PRKCA: variants seen among roughly 807,000 people sequenced by gnomAD.
PRKCA encodes the protein protein kinase C alpha.
In PRKCA, 27 loss-of-function variants were observed where a neutral mutation model predicts 87.0. The ratio of observed to expected loss-of-function variants is 0.31; its 90% confidence interval spans 0.23 to 0.43. PRKCA has a LOEUF of 0.43. PRKCA is among the 20% of genes least tolerant of loss of function. PRKCA has a pLI of 1.00. For missense variants in PRKCA, 518 were observed against 852.3 expected (o/e 0.61, Z 4.88); for synonymous variants, 329 against 311.1 (o/e 1.06, Z -0.61).
chr17:66,802,886 G>A (rs1307291557), intron 16 of PRKCA, among the ~76,000 whole-genome samples: 1 of 152,202 alleles, frequency 6.6e-6, no homozygotes, highest in African/African-American at 2.4e-5. Flanking sequence ...GCAGGTCCAA[G>A]GGCAGTAATT....
At chr17:66,424,598 C>CACACACACACACAA (rs1051866560) in intron 2 of PRKCA, among the ~76,000 whole-genome samples, 1 of 150,514 alleles carries the variant, frequency 6.6e-6, no homozygotes, top group Non-Finnish European at 1.5e-5. Context: ...CACACACACA[C>CACACACACACACAA]ATCTTTGAAG....
At chr17:66,521,006 C>A (rs1386707606) in intron 3 of PRKCA, among the ~76,000 whole-genome samples, 1 of 152,124 alleles carries the variant, frequency 6.6e-6, no homozygotes, top group Non-Finnish European at 1.5e-5. Context: ...GGCAGGAGGT[C>A]TTCATGTAGG....
chr17:66,441,124 T>C (rs1913723187), intron 2 of PRKCA, among the ~76,000 whole-genome samples: 1 of 141,150 alleles, frequency 7.1e-6, no homozygotes, highest in Admixed American at 7.8e-5. Context: ...ATCGCGGCAC[T>C]GCACTCCAGC....
chr17:66,578,391 A>T (rs1186993105), intron 3 of PRKCA, among the ~76,000 whole-genome samples: 1 of 152,144 alleles, frequency 6.6e-6, no homozygotes, highest in Non-Finnish European at 1.5e-5. Context: ...GCGAAGGATA[A>T]AGTGGAAGGG....
intron 2 of PRKCA, among the ~76,000 whole-genome samples, chr17:66,317,052 G>T (rs561793500): frequency 6.6e-6 from 1 of 151,612 alleles, no homozygotes; most frequent in East Asian, 1.9e-4. Context: ...TGAGGCAGGA[G>T]AATGGCGTGA....
intron 14 of PRKCA, among the ~76,000 whole-genome samples, chr17:66,776,403 C>T (rs1361116502): frequency 6.6e-6 from 1 of 152,114 alleles, no homozygotes; most frequent in Non-Finnish European, 1.5e-5. Context: ...CTCCGCCTCC[C>T]AGGTTCAAGC....
intron 3 of PRKCA, among the ~76,000 whole-genome samples, chr17:66,596,529 A>G (rs1969982125): frequency 6.7e-6 from 1 of 149,612 alleles, no homozygotes; most frequent in Admixed American, 6.7e-5. Context: ...AGTTCATATC[A>G]GATGTTCAGA....
intron 3 of PRKCA, among the ~76,000 whole-genome samples, chr17:66,582,325 G>T (rs1969467490): frequency 6.6e-6 from 1 of 152,122 alleles, no homozygotes; most frequent in South Asian, 2.1e-4. Flanking sequence ...CAGATTTTTG[G>T]ATTTGGGATT....
At chr17:66,501,875 G>A (rs1208801124) in intron 3 of PRKCA, among the ~76,000 whole-genome samples, 1 of 152,172 alleles carries the variant, frequency 6.6e-6, no homozygotes, top group African/African-American at 2.4e-5. Context: ...TCTGCTGAAG[G>A]GCAGCAAGTG....
At chr17:66,575,511 C>T (rs772228409) in intron 3 of PRKCA, among the ~76,000 whole-genome samples, 15 of 151,892 alleles carry the variant, frequency 9.9e-5, no homozygotes, top group East Asian at 3.9e-4. Context: ...ACCCGGGAGG[C>T]GGAGGTTGCA....
intron 5 of PRKCA, among the ~76,000 whole-genome samples, chr17:66,676,071 G>T (rs908412849): frequency 6.6e-6 from 1 of 152,126 alleles, no homozygotes; most frequent in Non-Finnish European, 1.5e-5. Context: ...AACATTTGCC[G>T]AGGAGTTCTG....
intron 2 of PRKCA, among the ~76,000 whole-genome samples, chr17:66,395,658 G>A (rs1910622308): frequency 6.6e-6 from 1 of 152,178 alleles, no homozygotes; most frequent in Admixed American, 6.5e-5. Context: ...GTTGTGTTTT[G>A]TTTGCTGCTA....
chr17:66,744,139 T>C (rs1245668101), intron 13 of PRKCA, among the ~76,000 whole-genome samples: 1 of 152,178 alleles, frequency 6.6e-6, no homozygotes, highest in Non-Finnish European at 1.5e-5. Context: ...ACACATAGAC[T>C]TCATTTAGAA....
chr17:66,467,984 G>A (rs969186088), intron 2 of PRKCA, among the ~76,000 whole-genome samples: 2 of 151,890 alleles, frequency 1.3e-5, no homozygotes, highest in African/African-American at 2.4e-5. Context: ...CACTTTCCTC[G>A]TGTTTGACAG....
At chr17:66,760,016 T>C (rs183053501) in intron 13 of PRKCA, among the ~76,000 whole-genome samples, 1 of 152,288 alleles carries the variant, frequency 6.6e-6, no homozygotes, top group African/African-American at 2.4e-5. Context: ...AATAGACATA[T>C]CCCGCAAGGA....
intron 3 of PRKCA, among the ~76,000 whole-genome samples, chr17:66,572,486 G>T (rs1969110914): frequency 6.6e-6 from 1 of 151,996 alleles, no homozygotes; most frequent in Admixed American, 6.5e-5. Context: ...AAAAAAAAAA[G>T]AATATCAGTA....
intron 3 of PRKCA, among the ~76,000 whole-genome samples, chr17:66,502,500 G>T (rs1043232352): frequency 2.6e-5 from 4 of 152,110 alleles, no homozygotes; most frequent in African/African-American, 9.7e-5. Context: ...CTCCCAAAGT[G>T]CTGGGATTAC....
chr17:66,334,118 G>T (rs1297914498), intron 2 of PRKCA, among the ~76,000 whole-genome samples: 1 of 152,056 alleles, frequency 6.6e-6, no homozygotes, highest in Non-Finnish European at 1.5e-5. Context: ...AGGCGTGGTG[G>T]CTCAGCCTGT....
At chr17:66,335,335 A>G (rs560192030) in intron 2 of PRKCA, among the ~76,000 whole-genome samples, 2 of 151,892 alleles carry the variant, frequency 1.3e-5, no homozygotes, top group East Asian at 1.9e-4. Flanking sequence ...AGGTGTGACT[A>G]TGTTGCCCAG....
Sources: allele counts gnomAD v4.1 joint callset (sites outside exome capture counted in the v4.1 genomes callset), GRCh38; gene constraint gnomAD v4.1.1; transcripts MANE v1.5; gene names NCBI Gene and HGNC (gene_info 2026-07-23, HGNC 2026-07-21).